Variants in CALN1 observed in about 807,000 individuals in gnomAD.
CALN1 encodes calneuron 1, also known as calcium-binding protein 8.
In CALN1, 17 loss-of-function variants were observed where a neutral mutation model predicts 30.6. The ratio of observed to expected loss-of-function variants is 0.56; its 90% CI spans 0.38 to 0.83. CALN1 has a LOEUF of 0.83. Among genes scored for constraint, CALN1 ranks in the 40% least tolerant of loss-of-function variants. The pLI, the probability that CALN1 is intolerant of heterozygous loss-of-function variation, is 0.00. For missense variants in CALN1, 291 were observed against 354.9 expected (o/e 0.82, Z 1.45); for synonymous variants, 156 against 131.4 (o/e 1.19, Z -1.28).
chr7:72,385,442 T>C (rs1285832732), intron 2 of CALN1, among the ~76,000 whole-genome samples: 4 of 152,172 alleles, frequency 2.6e-5, no homozygotes, highest in Admixed American at 1.3e-4. Flanking sequence ...GTGGTACATC[T>C]ATGAAATGGA....
chr7:71,952,053 G>A (rs1796720186), intron 5 of CALN1, among the ~76,000 whole-genome samples: 1 of 152,150 alleles, frequency 6.6e-6, no homozygotes, highest in Admixed American at 6.5e-5. Context: ...CCCAGGATGT[G>A]AGTGAGTCTG....
intron 1 of CALN1, among the ~76,000 whole-genome samples, chr7:72,441,153 A>G (rs942456012): frequency 2.6e-5 from 4 of 152,212 alleles, no homozygotes; most frequent in Non-Finnish European, 4.4e-5. Context: ...CGAAAGAAAT[A>G]AAAGTTTATC....
chr7:72,034,557 C>T (rs1801669281), intron 4 of CALN1, among the ~76,000 whole-genome samples: 1 of 151,292 alleles, frequency 6.6e-6, no homozygotes, highest in Non-Finnish European at 1.5e-5. Context: ...CTTTGGGAGG[C>T]CGATCAGACA....
intron 3 of CALN1, among the ~76,000 whole-genome samples, chr7:72,160,167 A>G (rs1787996776): frequency 6.6e-6 from 1 of 152,110 alleles, no homozygotes; most frequent in South Asian, 2.1e-4. Context: ...TGCTAGGGAG[A>G]GATTAGATTG....
chr7:72,321,764 G>A (rs918710422), intron 2 of CALN1, among the ~76,000 whole-genome samples: 2 of 152,198 alleles, frequency 1.3e-5, no homozygotes, highest in African/African-American at 4.8e-5. Flanking sequence ...TTTCTGGATA[G>A]CTCTGTCTCC....
At chr7:72,123,488 C>T (rs911208886) in intron 3 of CALN1, among the ~76,000 whole-genome samples, 1 of 152,150 alleles carries the variant, frequency 6.6e-6, no homozygotes, top group Non-Finnish European at 1.5e-5. Context: ...AACACCGCGC[C>T]ATGTCTTGTT....
At chr7:72,444,145 T>C (rs796952244) in intron 1 of CALN1, among the ~76,000 whole-genome samples, 19 of 151,972 alleles carry the variant, frequency 1.3e-4, no homozygotes, top group Admixed American at 2.6e-4. Context: ...AGAGTAGCAG[T>C]TGAAGCTCCT....
chr7:72,225,615 TC>T (rs1264460874), intron 3 of CALN1, among the ~76,000 whole-genome samples: 1 of 152,078 alleles, frequency 6.6e-6, no homozygotes, highest in African/African-American at 2.4e-5. Context: ...AGCGAAGCCC[TC>T]GGCGCTACCT....
chr7:72,344,927 T>C (rs1306321895), intron 2 of CALN1, among the ~76,000 whole-genome samples: 2 of 147,574 alleles, frequency 1.4e-5, no homozygotes, highest in Non-Finnish European at 1.5e-5. Flanking sequence ...TGTGAACATA[T>C]ATTTATTCAT....
chr7:71,921,401 CCT>C (rs1343885710), intron 5 of CALN1, among the ~76,000 whole-genome samples: 4 of 152,112 alleles, frequency 2.6e-5, no homozygotes, highest in African/African-American at 9.7e-5. Context: ...TAGATTTGTT[CCT>C]CTTTTAGCAT....
rs1288904728 is a variant in CALN1, at chr7:71,788,515, A to AGT, written c.659-615_659-614dup. ...TGTTTTTTTTTTTTTTTTTAGAGAAAGTGTCTTGCTCTGTCTCCCAGGCTG... is the reference window on the plus strand; with the variant it reads ...TGTTTTTTTTTTTTTTTTTAGAGAAAGTGTGTCTTGCTCTGTCTCCCAGGCTG... On this transcript the variant is annotated intron_variant, in intron 6 of 6. Transcript: ENST00000395275. 5.8e-4 allele frequency among the ~76,000 whole-genome samples: 84 copies of AGT among 145,144 alleles called. No individual in the cohort carries two copies. In the Middle Eastern group the frequency reaches 0.01, roughly 18 times the overall value.
At chr7:72,345,980 G>C (rs981893388) in intron 2 of CALN1, among the ~76,000 whole-genome samples, 2 of 151,906 alleles carry the variant, frequency 1.3e-5, no homozygotes, top group African/African-American at 4.8e-5. Context: ...GCAGACAATA[G>C]GAAAATCAAA....
chr7:72,338,184 A>G lies in CALN1; in HGVS notation c.120-59374T>C, dbSNP rs551304332. 7.9e-5 allele frequency among the ~76,000 whole-genome samples: 12 copies of G among 152,232 alleles called. No homozygotes were observed. In the South Asian group the frequency reaches 2.1e-3, roughly 26 times the overall value. On this transcript the variant is annotated intron_variant, in intron 2 of 6. Transcript: ENST00000395275. Reference sequence around the variant, plus strand: ...TGCCCCCAAGGTTGTGCCAATAAAGAAAGAGCAACAAACCTGGCCAAAGCA... The same window carrying G: ...TGCCCCCAAGGTTGTGCCAATAAAGGAAGAGCAACAAACCTGGCCAAAGCA...
chr7:72,247,291 C>T (rs1465455350), intron 3 of CALN1, among the ~76,000 whole-genome samples: 1 of 120,408 alleles, frequency 8.3e-6, no homozygotes, highest in African/African-American at 3.2e-5. Context: ...CTCTGTCACC[C>T]AGGCTGGAGT....
chr7:71,795,738 C>T (rs372641051), intron 6 of CALN1, among the ~76,000 whole-genome samples: 9 of 151,680 alleles, frequency 5.9e-5, no homozygotes, highest in African/African-American at 2.2e-4. Context: ...AGTAGGTGAC[C>T]TTTCGTGTCT....
At position 72,438,335 on chromosome 7, in the gene CALN1, T is replaced by G. The variant is rs191069861; in HGVS notation, c.-226+8707A>C. ...TGGAGTCTCACTATGTTGCCTAGGC[T>G]GGCCTTGAACTCCTAGGCTCAAGCC... On this transcript the variant is annotated intron_variant, in intron 1 of 6. Transcript: ENST00000395276. Among the ~76,000 whole-genome samples the G allele has an allele frequency of 1.1e-3, 169 of 150,906 alleles. 4 individuals are homozygous for G. In the East Asian group the frequency reaches 0.03, roughly 26 times the overall value.
At chr7:71,999,030 C>A (rs1799396448) in intron 5 of CALN1, among the ~76,000 whole-genome samples, 1 of 151,952 alleles carries the variant, frequency 6.6e-6, no homozygotes, top group African/African-American at 2.4e-5. Flanking sequence ...TCTAAGTACA[C>A]CAATAAAAAA....
At chr7:72,076,189 TA>T (rs1438667537) in intron 4 of CALN1, among the ~76,000 whole-genome samples, 1 of 151,952 alleles carries the variant, frequency 6.6e-6, no homozygotes, top group Non-Finnish European at 1.5e-5. Flanking sequence ...ATGCTGGACT[TA>T]ATACCTAGAT....
At chr7:72,266,095 C>G (rs868035687) in intron 3 of CALN1, among the ~76,000 whole-genome samples, 4 of 152,062 alleles carry the variant, frequency 2.6e-5, no homozygotes, top group Middle Eastern at 3.4e-3. Flanking sequence ...GAAGGCACCA[C>G]CACATTCCAG....
Sources: gnomAD v4.1 joint callset for allele counts (sites outside exome capture counted in the v4.1 genomes callset) on GRCh38, gnomAD v4.1.1 for gene constraint, MANE v1.5 for transcripts, NCBI Gene and HGNC (gene_info 2026-07-23, HGNC 2026-07-21) for gene names.